SANBR: variants seen among roughly 807,000 people sequenced by gnomAD.
The protein encoded by SANBR is SANT and BTB domain regulator of CSR.
In SANBR, 77 loss-of-function variants were observed where a neutral mutation model predicts 101.8. The observed-to-expected ratio is 0.76, with a 90% CI of 0.63 to 0.91. The LOEUF (loss-of-function observed/expected upper bound fraction) is 0.91. SANBR is among the 40% of genes least tolerant of loss of function. SANBR has a pLI of 0.00. For synonymous variants in SANBR, 279 were observed against 274.7 expected, an observed-to-expected ratio of 1.02 and a Z score of -0.15; for missense variants, 875 against 853.0, an observed-to-expected ratio of 1.03 and a Z score of -0.32.
chr2:61,118,754 G>A (rs1474528369), intron 20 of SANBR, among the ~76,000 whole-genome samples: 81 of 151,762 alleles, frequency 5.3e-4, no homozygotes, highest in Non-Finnish European at 7.4e-5. Flanking sequence ...TAGAGACGGG[G>A]TTTCACCATG....
chr2:61,087,468 A>G (rs1403914181), intron 8 of SANBR, among the ~76,000 whole-genome samples: 1 of 151,496 alleles, frequency 6.6e-6, no homozygotes, highest in Non-Finnish European at 1.5e-5. Context: ...CTGATGTGGG[A>G]GATCACCTGA....
At chr2:61,121,395 A>G (rs1213591651) in intron 21 of SANBR, 119 bp downstream of exon 21, 2 of 595,758 alleles carry the variant, frequency 3.4e-6, no homozygotes, top group Admixed American at 3.1e-5. Flanking sequence ...TTTTGTTTCA[A>G]TGATTATATT....
At chr2:61,118,506 G>T (rs1391749398) in intron 20 of SANBR, among the ~76,000 whole-genome samples, 1 of 150,382 alleles carries the variant, frequency 6.6e-6, no homozygotes, top group Admixed American at 6.6e-5. Context: ...CTCCCAAAGT[G>T]CTGGGATTAC....
At chr2:61,103,136 T>C (rs1427501095) in intron 12 of SANBR, among the ~76,000 whole-genome samples, 2 of 146,588 alleles carry the variant, frequency 1.4e-5, no homozygotes, top group Non-Finnish European at 3.0e-5. Flanking sequence ...AATTTTTCTT[T>C]CTTTTTTTTT....
At chr2:61,119,591 C>T (rs1684239810) in intron 20 of SANBR, among the ~76,000 whole-genome samples, 1 of 152,184 alleles carries the variant, frequency 6.6e-6, no homozygotes, top group South Asian at 2.1e-4. Context: ...AAAAGGATTT[C>T]CATGCCAGAT....
At position 61,122,251 on chromosome 2, in the gene SANBR, T is replaced by C; in HGVS notation, c.*89T>C. On this transcript the variant is annotated 3_prime_UTR_variant, in exon 22 of 22. Coordinates refer to ENST00000402291, the MANE Select transcript of SANBR (RefSeq NM_001129993.3). ...TCTTGAAGATCTTCAGAACAATGACTTCCAACTGTTTTATGTTATTATTAT... is the reference window on the plus strand; with the variant it reads ...TCTTGAAGATCTTCAGAACAATGACCTCCAACTGTTTTATGTTATTATTAT... 1 of 1,446,212 alleles carries C rather than the reference T, an allele frequency of 6.9e-7. No individual in the cohort carries two copies. Among genetic ancestry groups the C allele is most frequent in the Non-Finnish European group, 9.2e-7 (1 of 1,090,576 alleles). 89.6% of individuals were successfully genotyped at this position (1,446,212 alleles called of 1,614,324 possible).
In SANBR at chr2:61,070,364, A is replaced by T. The variant is rs557185233; in HGVS notation, c.14A>T (p.Tyr5Phe). The T allele has an allele frequency of 2.5e-6, 4 of 1,582,960 alleles. No homozygotes were observed. Among genetic ancestry groups the T allele is most frequent in the African/African-American group, 2.7e-5 (2 of 72,912 alleles). ...TAGTTCCAAAAGATGAGTCGTGGAT[A>T]TTCAGAAAACAACAATTTCCTGAAC... Reference protein sequence around the residue: MSRGYSENNNFLNNN... With the variant: MSRGFSENNNFLNNN... The change falls in exon 3 of 22, where the codon TAT becomes TTT. Residue 5 changes from tyrosine (Y) to phenylalanine (F), a missense_variant. Transcript: ENST00000402291.
At chr2:61,084,926 G>C (rs1013694836) in intron 8 of SANBR, among the ~76,000 whole-genome samples, 1 of 152,000 alleles carries the variant, frequency 6.6e-6, no homozygotes, top group African/African-American at 2.4e-5. Flanking sequence ...GAGAGAGAGA[G>C]GATTCCAGGA....
chr2:61,103,526 G>A (rs1415188033), intron 12 of SANBR, among the ~76,000 whole-genome samples: 1 of 152,166 alleles, frequency 6.6e-6, no homozygotes, highest in Non-Finnish European at 1.5e-5. Context: ...AGAAAAGCAA[G>A]GAAGTAATTA....
At chr2:61,131,447 A>C (rs1168657486) in intron 20 of SANBR, among the ~76,000 whole-genome samples, 1 of 152,224 alleles carries the variant, frequency 6.6e-6, no homozygotes, top group East Asian at 1.9e-4. Context: ...TTTAACATCA[A>C]AAAATTAAAG....
At chr2:61,069,972 T>G (rs1234235724) in intron 2 of SANBR, among the ~76,000 whole-genome samples, 2 of 152,224 alleles carry the variant, frequency 1.3e-5, no homozygotes, top group Non-Finnish European at 2.9e-5. Flanking sequence ...TCATTTTTAC[T>G]TGGTTTGAAT....
chr2:61,116,592 T>C (rs984668448), intron 17 of SANBR, among the ~76,000 whole-genome samples: 1 of 152,156 alleles, frequency 6.6e-6, no homozygotes, highest in Non-Finnish European at 1.5e-5. Flanking sequence ...CAGGTAGGAA[T>C]AAGAGAATAG....
chr2:61,080,947 G>C (rs1682090790), intron 6 of SANBR, among the ~76,000 whole-genome samples: 1 of 151,970 alleles, frequency 6.6e-6, no homozygotes, highest in South Asian at 2.1e-4. Context: ...TTCTTTTTCT[G>C]TATGTCTGAA....
chr2:61,121,059 C>A, intron 20 of SANBR, 126 bp from the exon 21 acceptor site: 1 of 687,610 alleles, frequency 1.5e-6, no homozygotes. Context: ...TAAATTAAAC[C>A]TCAAAAAGAC....
At chr2:61,137,925 ACT>A (rs1365700048) in exon 22 of SANBR, 1 of 151,894 alleles carries the variant, frequency 6.6e-6, no homozygotes, top group East Asian at 1.9e-4. Flanking sequence ...AATTTTTTAG[ACT>A]CTGTTTGAGA....
intron 17 of SANBR, among the ~76,000 whole-genome samples, chr2:61,116,394 C>G (rs1177841004): frequency 6.6e-6 from 1 of 152,092 alleles, no homozygotes; most frequent in East Asian, 1.9e-4. Flanking sequence ...AGGAAGGGAA[C>G]TGAACGTGTA....
chr2:61,112,637 G>A (rs1683887595), intron 16 of SANBR, among the ~76,000 whole-genome samples: 2 of 152,046 alleles, frequency 1.3e-5, no homozygotes, highest in Admixed American at 6.6e-5. Flanking sequence ...GGGATTACAG[G>A]TGTGCACCAC....
chr2:61,089,246 C>T, intron 10 of SANBR: 1 of 965,074 alleles, frequency 1.0e-6, no homozygotes, highest in Non-Finnish European at 1.2e-6. Context: ...CACGGTGGCT[C>T]ACACCTATAA....
chr2:61,067,863 C>T (rs1229726589), intron 1 of SANBR, among the ~76,000 whole-genome samples: 3 of 152,196 alleles, frequency 2.0e-5, no homozygotes, highest in African/African-American at 4.8e-5. Context: ...AGAGAGAAAG[C>T]AAGTCTTTCA....
Sources: gnomAD v4.1 joint callset for allele counts (sites outside exome capture counted in the v4.1 genomes callset) on GRCh38, gnomAD v4.1.1 for gene constraint, MANE v1.5 for transcripts, NCBI Gene and HGNC (gene_info 2026-07-23, HGNC 2026-07-21) for gene names.